Variants in KIAA1958 observed in about 807,000 individuals in gnomAD.
The protein encoded by KIAA1958 is uncharacterized protein KIAA1958.
A neutral mutation model predicts 47.2 loss-of-function variants in KIAA1958; 14 were observed. That is an observed-to-expected ratio of 0.30 (90% CI 0.20 to 0.46). The LOEUF is 0.46. Ranked by LOEUF, KIAA1958 falls within the 20% of genes least tolerant of loss-of-function variation. The pLI, the probability that KIAA1958 is intolerant of heterozygous loss-of-function variation, is 1.00. For synonymous variants in KIAA1958, 354 were observed against 353.3 expected (o/e 1.00, Z -0.02); for missense variants, 803 against 909.2 (o/e 0.88, Z 1.50).
At chr9:112,500,570 A>T (rs987317701) in intron 1 of KIAA1958, among the ~76,000 whole-genome samples, 5 of 151,854 alleles carry the variant, frequency 3.3e-5, no homozygotes, top group African/African-American at 1.2e-4. Flanking sequence ...GATTATAGGC[A>T]TGAGCCACCG....
At position 112,581,968 on chromosome 9, in the gene KIAA1958, C is replaced by T; in HGVS notation, c.1171+6717C>T. The T allele has an allele frequency of 8.0e-6, 2 of 251,566 alleles. 1 individual carries two copies. The highest frequency in any genetic ancestry group is 1.2e-4 in the South Asian group (2 of 17,266). 15.6% of individuals were successfully genotyped at this position (251,566 alleles called of 1,614,324 possible). On this transcript the variant is annotated intron_variant, in intron 2 of 3. Coordinates refer to ENST00000337530, the MANE Select transcript of KIAA1958 (RefSeq NM_133465.4). Reference sequence around the variant, plus strand: ...CACCTCTTGTTGCCACCTTTCCCCACTGTCAGAGCCACATACCCATGAATG... The same window carrying T: ...CACCTCTTGTTGCCACCTTTCCCCATTGTCAGAGCCACATACCCATGAATG...
intron 1 of KIAA1958, among the ~76,000 whole-genome samples, chr9:112,495,324 C>A (rs1390459225): frequency 6.6e-6 from 1 of 152,052 alleles, no homozygotes; most frequent in African/African-American, 2.4e-5. Context: ...GATGGACTTA[C>A]CTGTACTTTT....
In KIAA1958 at chr9:112,668,784, G is replaced by C. The variant is rs768339940; in HGVS notation, c.*8715G>C. 1 of 152,210 alleles carries C rather than the reference G, an allele frequency of 6.6e-6. No individual in the cohort carries two copies. Among genetic ancestry groups the C allele is most frequent in the Non-Finnish European group, 1.5e-5 (1 of 68,042 alleles). The allele number at this position is 152,210 out of a possible 1,614,324, so 9.4% of individuals were successfully genotyped here. On this transcript the variant is annotated 3_prime_UTR_variant, in exon 4 of 4. Coordinates refer to ENST00000337530, the MANE Select transcript of KIAA1958 (RefSeq NM_133465.4). ...ACAGAGCAAAACATCTTCCCAAAGA[G>C]ATGGAGACAATCTCTTCTGGGTAGA...
intron 2 of KIAA1958, among the ~76,000 whole-genome samples, chr9:112,611,415 A>G (rs1517079): frequency 0.081 from 12,369 of 152,190 alleles, 708 homozygotes; most frequent in East Asian, 0.19. Context: ...AACAGTTAGT[A>G]ACCTTATATA....
intron 2 of KIAA1958, among the ~76,000 whole-genome samples, chr9:112,632,282 T>C (rs1836723319): frequency 6.6e-6 from 1 of 152,150 alleles, no homozygotes; most frequent in South Asian, 2.1e-4. Flanking sequence ...TGCAGAACTG[T>C]TTTCATGTTA....
intron 1 of KIAA1958, among the ~76,000 whole-genome samples, chr9:112,542,451 A>C (rs1470332575): frequency 6.6e-6 from 1 of 152,192 alleles, no homozygotes; most frequent in East Asian, 1.9e-4. Flanking sequence ...AAATATTCAC[A>C]TTTATTGAAT....
chr9:112,509,457 T>TC (rs1452853490), intron 1 of KIAA1958, among the ~76,000 whole-genome samples: 1 of 150,700 alleles, frequency 6.6e-6, no homozygotes, highest in East Asian at 2.0e-4. Context: ...CTCCTCGGCC[T>TC]CCCGCCAGGC....
chr9:112,531,506 C>T (rs1834751651), intron 1 of KIAA1958, among the ~76,000 whole-genome samples: 1 of 152,226 alleles, frequency 6.6e-6, no homozygotes, highest in Admixed American at 6.5e-5. Context: ...AGTCATATGA[C>T]ACTGCTTTTC....
chr9:112,552,910 C>T (rs1395946210), intron 1 of KIAA1958, among the ~76,000 whole-genome samples: 6 of 152,168 alleles, frequency 3.9e-5, no homozygotes, highest in African/African-American at 1.4e-4. Context: ...TAGTGCAGCA[C>T]ATCATCCCTT....
At chr9:112,530,435 A>G (rs1029542946) in intron 1 of KIAA1958, among the ~76,000 whole-genome samples, 2 of 152,132 alleles carry the variant, frequency 1.3e-5, no homozygotes, top group African/African-American at 2.4e-5. Context: ...TTGAAAATAT[A>G]AATAATTTTG....
intron 1 of KIAA1958, among the ~76,000 whole-genome samples, chr9:112,533,849 G>T (rs140600564): frequency 6.6e-6 from 1 of 152,238 alleles, no homozygotes; most frequent in African/African-American, 2.4e-5. Flanking sequence ...TGACACGTGG[G>T]GATTGTGGGG....
intron 2 of KIAA1958, among the ~76,000 whole-genome samples, chr9:112,616,917 A>G (rs1812483884): frequency 6.6e-6 from 1 of 152,252 alleles, no homozygotes; most frequent in Non-Finnish European, 1.5e-5. Flanking sequence ...AAACCTCATC[A>G]TGAACACAGA....
At chr9:112,595,491 TC>T (rs1836004768) in intron 2 of KIAA1958, among the ~76,000 whole-genome samples, 1 of 152,050 alleles carries the variant, frequency 6.6e-6, no homozygotes, top group African/African-American at 2.4e-5. Context: ...TGAAACCCCA[TC>T]TCTACCAAAA....
At chr9:112,624,460 A>G (rs1214281238) in intron 2 of KIAA1958, among the ~76,000 whole-genome samples, 1 of 152,228 alleles carries the variant, frequency 6.6e-6, no homozygotes, top group Admixed American at 6.5e-5. Context: ...TTGCCATCAA[A>G]TAGAACTGGA....
At chr9:112,563,037 CTCTCTT>C (rs1488205278) in intron 1 of KIAA1958, among the ~76,000 whole-genome samples, 1 of 139,604 alleles carries the variant, frequency 7.2e-6, no homozygotes, top group African/African-American at 2.8e-5. Flanking sequence ...GTCTCTCTCT[CTCTCTT>C]TCTCTCTCTC....
At chr9:112,500,441 C>A (rs1834115081) in intron 1 of KIAA1958, among the ~76,000 whole-genome samples, 1 of 151,866 alleles carries the variant, frequency 6.6e-6, no homozygotes, top group Admixed American at 6.6e-5. Context: ...TATTGATTAA[C>A]CTTAATATCA....
Position 112,663,323 on chromosome 9 carries a change from G to C in KIAA1958, c.*3254G>C, listed in dbSNP as rs946772721. The C allele has an allele frequency of 2.0e-5, 3 of 152,072 alleles. No individual in the cohort carries two copies. The highest frequency in any genetic ancestry group is 1.3e-4 in the Admixed American group (2 of 15,262). The allele number at this position is 152,072 out of a possible 1,614,324, so 9.4% of individuals were successfully genotyped here. ...ACAGAAGCTAGGATGTCACCTTAAAGGGTGTGATTCAATTGAATATAGTTT... is the reference window on the plus strand; with the variant it reads ...ACAGAAGCTAGGATGTCACCTTAAACGGTGTGATTCAATTGAATATAGTTT... On this transcript the variant is annotated 3_prime_UTR_variant, in exon 4 of 4. Transcript: ENST00000337530.
chr9:112,556,127 A>C (rs1312119969), intron 1 of KIAA1958, among the ~76,000 whole-genome samples: 1 of 152,242 alleles, frequency 6.6e-6, no homozygotes, highest in Non-Finnish European at 1.5e-5. Context: ...ATTAGTTTCA[A>C]CGTGAATTTT....
intron 2 of KIAA1958, among the ~76,000 whole-genome samples, chr9:112,613,438 T>G (rs1836360208): frequency 1.3e-5 from 2 of 152,086 alleles, no homozygotes; most frequent in South Asian, 4.2e-4. Context: ...AAGCAAAATG[T>G]CTTCAACAGG....
Sources: allele counts gnomAD v4.1 joint callset (sites outside exome capture counted in the v4.1 genomes callset), GRCh38; gene constraint gnomAD v4.1.1; transcripts MANE v1.5; gene names NCBI Gene and HGNC (gene_info 2026-07-23, HGNC 2026-07-21).